The following PEMT variants were observed in gnomAD, a reference collection of about 807,000 sequenced individuals.
The protein encoded by PEMT is phosphatidylethanolamine N-methyltransferase, also known as phospholipid methyltransferase.
A neutral mutation model predicts 27.4 loss-of-function variants in PEMT; 23 were observed. That is an observed-to-expected ratio of 0.84 (90% confidence interval 0.60 to 1.19). The LOEUF (loss-of-function observed/expected upper bound fraction) is 1.19, where lower values mean the gene tolerates loss of function less well. Ranked by LOEUF, PEMT falls within the 50% of genes most tolerant of loss-of-function variation. PEMT has a pLI of 0.00. For synonymous variants in PEMT, 137 were observed against 139.1 expected (o/e 0.98, Z 0.11); for missense variants, 307 against 310.1 (o/e 0.99, Z 0.07).
At chr17:17,508,993 C>T (rs1221969151) in intron 5 of PEMT, 3 of 275,810 alleles carry the variant, frequency 1.1e-5, no homozygotes, top group Non-Finnish European at 2.2e-5. Context: ...GGGCCAAGAA[C>T]GCCTGTTACA....
At chr17:17,587,413 G>A (rs1267966644) in intron 1 of PEMT, among the ~76,000 whole-genome samples, 2 of 152,056 alleles carry the variant, frequency 1.3e-5, no homozygotes, top group Non-Finnish European at 2.9e-5. Flanking sequence ...TTGAATTTAT[G>A]GCTTAAAAAC....
intron 1 of PEMT, chr17:17,591,328 T>G: frequency 1.8e-6 from 1 of 551,646 alleles, no homozygotes; most frequent in Non-Finnish European, 3.2e-6. Context: ...CAATCTGAGG[T>G]TTACACGCGC....
At chr17:17,533,905 A>C (rs1183295691) in intron 2 of PEMT, among the ~76,000 whole-genome samples, 1 of 152,048 alleles carries the variant, frequency 6.6e-6, no homozygotes, top group Non-Finnish European at 1.5e-5. Context: ...TAATTTTTGT[A>C]TTTTTAGTAG....
At chr17:17,574,842 G>A (rs1911471141) in intron 2 of PEMT, among the ~76,000 whole-genome samples, 1 of 152,192 alleles carries the variant, frequency 6.6e-6, no homozygotes, top group South Asian at 2.1e-4. Flanking sequence ...GTCAACGTCA[G>A]GCCTGCAGGA....
chr17:17,549,962 A>T lies in PEMT; in HGVS notation c.204+26958T>A, dbSNP rs557770224. 5.3e-5 allele frequency among the ~76,000 whole-genome samples: 8 copies of T among 152,318 alleles called. No homozygotes were observed. The South Asian group carries it at 1.0e-3, about 20-fold the overall frequency. On this transcript the variant is annotated intron_variant, in intron 2 of 6. Transcript: ENST00000255389. The stretch of plus-strand genomic sequence containing the variant: ...GGCAGCGTGGGCGCAGGGAGGGAGC[A>T]CACGCTGCTCAACAGCAGGGAGGAG...
At chr17:17,569,341 G>C (rs186017502) in intron 2 of PEMT, among the ~76,000 whole-genome samples, 1 of 152,176 alleles carries the variant, frequency 6.6e-6, no homozygotes, top group East Asian at 1.9e-4. Context: ...CCAATGGAGC[G>C]AGAGGTCTTG....
chr17:17,547,393 A>G (rs1301123945), intron 2 of PEMT, among the ~76,000 whole-genome samples: 3 of 152,248 alleles, frequency 2.0e-5, no homozygotes, highest in Non-Finnish European at 2.9e-5. Context: ...TCTGTGCCGC[A>G]TGGACTCTGT....
intron 2 of PEMT, among the ~76,000 whole-genome samples, chr17:17,568,482 C>G (rs1365268140): frequency 6.6e-6 from 1 of 152,232 alleles, no homozygotes; most frequent in Non-Finnish European, 1.5e-5. Context: ...GCCCCAGAGC[C>G]AGGACTTGGT....
At position 17,505,592 on chromosome 17, in the gene PEMT, G is replaced by A. The variant is rs1475590409; in HGVS notation, c.*199C>T. 4.4e-6 allele frequency: 2 copies of A among 459,574 alleles called. No homozygotes were observed. Among genetic ancestry groups the A allele is most frequent in the African/African-American group, 2.0e-5 (1 of 49,376 alleles). 28.5% of individuals were successfully genotyped at this position (459,574 alleles called of 1,614,324 possible). A position where few individuals can be genotyped will look rare whatever the true frequency, so the allele number is the denominator to read the frequency against. The stretch of plus-strand genomic sequence containing the variant: ...GGTCAGGGTGCCTTTATTGGTGAAT[G>A]GGAATGTGTGGGTTGGAGCTCAATG... On this transcript the variant is annotated 3_prime_UTR_variant, in exon 7 of 7. Coordinates refer to ENST00000255389, the MANE Select transcript of PEMT (RefSeq NM_148172.3).
intron 2 of PEMT, among the ~76,000 whole-genome samples, chr17:17,528,707 G>T (rs1907877814): frequency 1.3e-5 from 2 of 152,184 alleles, no homozygotes; most frequent in African/African-American, 4.8e-5. Flanking sequence ...GAGAGGTCAG[G>T]GACCTCAGAG....
chr17:17,536,071 G>A (rs1908447657), intron 2 of PEMT, among the ~76,000 whole-genome samples: 1 of 152,202 alleles, frequency 6.6e-6, no homozygotes, highest in Admixed American at 6.5e-5. Flanking sequence ...TGCAGGCCCT[G>A]TGCCACTGCA....
intron 2 of PEMT, among the ~76,000 whole-genome samples, chr17:17,546,045 C>G (rs982692941): frequency 2.0e-5 from 3 of 152,210 alleles, no homozygotes; most frequent in Admixed American, 2.0e-4. Flanking sequence ...ACAGCATCTG[C>G]TGAGCCCTGA....
chr17:17,540,621 G>C (rs1908811453), intron 2 of PEMT, among the ~76,000 whole-genome samples: 1 of 152,178 alleles, frequency 6.6e-6, no homozygotes, highest in Non-Finnish European at 1.5e-5. Context: ...GGCAGCTGCA[G>C]GATGAGAGGC....
In PEMT at chr17:17,509,513, C is replaced by G; in HGVS notation, c.499G>C (p.Val167Leu). The G allele has an allele frequency of 1.2e-6, 2 of 1,613,938 alleles. No individual in the cohort carries two copies. Among genetic ancestry groups the G allele is most frequent in the Non-Finnish European group, 1.7e-6 (2 of 1,179,814 alleles). Residue 167 changes from valine to leucine, a missense_variant, in exon 5 of 7, where the codon GTG becomes CTG. Physicochemically the swap from Val to Leu is conservative, Grantham distance 32. Coordinates refer to ENST00000255389, the MANE Select transcript of PEMT (RefSeq NM_148172.3). ...DYFGILKEAR[V>L]TVFPFNILDN... ...AGGATGTTGAAGGGGAACACGGTCA[C>G]TCTCGCCTCCTTGAGGATCCCGAAG...
At chr17:17,572,550 A>G (rs970984749) in intron 2 of PEMT, among the ~76,000 whole-genome samples, 16 of 152,154 alleles carry the variant, frequency 1.1e-4, no homozygotes, top group Non-Finnish European at 2.2e-4. Flanking sequence ...CTGCATGAGA[A>G]TCAGGTTTCT....
At chr17:17,578,983 C>T (rs965735425) in intron 1 of PEMT, among the ~76,000 whole-genome samples, 10 of 152,046 alleles carry the variant, frequency 6.6e-5, no homozygotes, top group African/African-American at 2.4e-4. Flanking sequence ...GTGTAAAGTC[C>T]ATCAGAGCTG....
chr17:17,552,725 C>G (rs1909747379), intron 2 of PEMT, among the ~76,000 whole-genome samples: 1 of 150,926 alleles, frequency 6.6e-6, no homozygotes, highest in Non-Finnish European at 1.5e-5. Context: ...CTTTTTTAAT[C>G]ACTCTGCTGT....
At chr17:17,586,253 A>AAAGG (rs1912271706) in intron 1 of PEMT, among the ~76,000 whole-genome samples, 1 of 113,160 alleles carries the variant, frequency 8.8e-6, no homozygotes, top group Non-Finnish European at 1.8e-5. Context: ...AGAAAGAAAG[A>AAAGG]AAGAAAGAAA....
intron 2 of PEMT, among the ~76,000 whole-genome samples, chr17:17,529,430 G>C (rs4646396): frequency 6.6e-6 from 1 of 152,032 alleles, no homozygotes; most frequent in East Asian, 1.9e-4. Context: ...CAGCCTGCTC[G>C]AGGGCTCCAA....
Sources: allele counts gnomAD v4.1 joint callset (sites outside exome capture counted in the v4.1 genomes callset), GRCh38; gene constraint gnomAD v4.1.1; transcripts MANE v1.5; gene names NCBI Gene and HGNC (gene_info 2026-07-23, HGNC 2026-07-21).